The following LARGE1 variants were observed in gnomAD, a reference collection of about 807,000 sequenced individuals.
The protein encoded by LARGE1 is xylosyl- and glucuronyltransferase LARGE1.
In LARGE1, 43 loss-of-function variants were observed where a neutral mutation model predicts 87.6. The observed-to-expected ratio is 0.49, with a 90% confidence interval of 0.38 to 0.63. The LOEUF (loss-of-function observed/expected upper bound fraction) is 0.63, where lower values mean the gene tolerates loss of function less well. Among genes scored for constraint, LARGE1 ranks in the 30% least tolerant of loss-of-function variants. The pLI, the probability that LARGE1 is intolerant of heterozygous loss-of-function variation, is 0.00. For synonymous variants in LARGE1, 434 were observed against 394.6 expected, an observed-to-expected ratio of 1.10 and a Z score of -1.18; for missense variants, 802 against 1,000.2, an observed-to-expected ratio of 0.80 and a Z score of 2.67.
At chr22:33,849,322 A>G (rs919218918) in intron 1 of LARGE1, among the ~76,000 whole-genome samples, 5 of 152,076 alleles carry the variant, frequency 3.3e-5, no homozygotes, top group Non-Finnish European at 7.4e-5. Flanking sequence ...TTTTTTCATC[A>G]ATCAATCCCA....
chr22:33,516,946 A>G (rs989433615), intron 6 of LARGE1, among the ~76,000 whole-genome samples: 9 of 152,180 alleles, frequency 5.9e-5, no homozygotes, highest in African/African-American at 2.2e-4. Flanking sequence ...TACTCAAGGG[A>G]ACACATCATT....
At chr22:33,258,806 C>G (rs1211425669) in intron 11 of LARGE1, among the ~76,000 whole-genome samples, 2 of 151,982 alleles carry the variant, frequency 1.3e-5, no homozygotes, top group East Asian at 3.9e-4. Flanking sequence ...ATCGGGACCC[C>G]TTTCCTGTAA....
At chr22:33,390,703 T>G (rs111963277) in intron 7 of LARGE1, among the ~76,000 whole-genome samples, 1 of 151,008 alleles carries the variant, frequency 6.6e-6, no homozygotes, top group Non-Finnish European at 1.5e-5. Flanking sequence ...TTTTTTTTTT[T>G]TTTTGAGACA....
chr22:33,554,530 G>A (rs764467553), intron 6 of LARGE1, among the ~76,000 whole-genome samples: 14 of 152,020 alleles, frequency 9.2e-5, no homozygotes, highest in East Asian at 1.9e-4. Flanking sequence ...CGAACTCGCC[G>A]TCCAGTGCTA....
chr22:33,127,069 T>C, the LARGE1 span, among the ~76,000 whole-genome samples: 1 of 152,192 alleles, frequency 6.6e-6, no homozygotes, highest in Admixed American at 6.5e-5. Context: ...TCTGGATCAG[T>C]GGTTTCTGAG....
intron 1 of LARGE1, among the ~76,000 whole-genome samples, chr22:33,802,253 TC>T (rs1468070861): frequency 6.6e-6 from 1 of 152,204 alleles, no homozygotes. Flanking sequence ...AAGCACTTAT[TC>T]CCACTGCAAA....
At chr22:33,681,784 GATA>G (rs2081780487) in intron 2 of LARGE1, among the ~76,000 whole-genome samples, 1 of 152,164 alleles carries the variant, frequency 6.6e-6, no homozygotes, top group Admixed American at 6.5e-5. Context: ...TTCTTACTTT[GATA>G]ATTATCTTTT....
chr22:33,888,390 T>A (rs2064915691), intron 1 of LARGE1, among the ~76,000 whole-genome samples: 1 of 152,208 alleles, frequency 6.6e-6, no homozygotes, highest in South Asian at 2.1e-4. Context: ...TGAAAATCCC[T>A]TCCTTCTGCA....
chr22:33,640,017 C>T (rs966817845), intron 3 of LARGE1, among the ~76,000 whole-genome samples: 3 of 152,190 alleles, frequency 2.0e-5, no homozygotes, highest in Non-Finnish European at 2.9e-5. Flanking sequence ...AAATGCTTTT[C>T]GGAGCCCAGA....
At chr22:33,846,106 C>T (rs945880013) in intron 1 of LARGE1, among the ~76,000 whole-genome samples, 3 of 152,206 alleles carry the variant, frequency 2.0e-5, no homozygotes, top group South Asian at 2.1e-4. Flanking sequence ...CCTCTGTATA[C>T]TTCCTGTGAC....
chr22:33,388,188 T>C (rs5998903), intron 7 of LARGE1, among the ~76,000 whole-genome samples: 68,028 of 152,106 alleles, frequency 0.45, 19,150 homozygotes, highest in African/African-American at 0.8. Flanking sequence ...ACCTATACCA[T>C]AATTTATTTA....
chr22:33,273,507 A>C lies in LARGE1; in HGVS notation c.*920T>G, dbSNP rs1309064648. The C allele has an allele frequency of 2.5e-6, 1 of 398,744 alleles. No individual in the cohort carries two copies. The highest frequency in any genetic ancestry group is 4.4e-6 in the Non-Finnish European group (1 of 226,174). The allele number at this position is 398,744 out of a possible 1,614,324, so 24.7% of individuals were successfully genotyped here. A position where few individuals can be genotyped will look rare whatever the true frequency, so the allele number is the denominator to read the frequency against. On this transcript the variant is annotated 3_prime_UTR_variant, in exon 15 of 15. Coordinates refer to ENST00000397394, the MANE Select transcript of LARGE1 (RefSeq NM_133642.5). The stretch of plus-strand genomic sequence containing the variant: ...AGTTCCTTCAAAGCCCTTTCCCATG[A>C]ATCAGTCACTGCCAATAGAAAATGT...
chr22:33,135,768 A>G, the LARGE1 span, among the ~76,000 whole-genome samples: 3 of 152,202 alleles, frequency 2.0e-5, no homozygotes, highest in South Asian at 6.2e-4. Flanking sequence ...TGAACCTGGG[A>G]GGCAGAGGTT....
At chr22:33,444,107 G>C (rs1012237109) in intron 6 of LARGE1, among the ~76,000 whole-genome samples, 4 of 152,256 alleles carry the variant, frequency 2.6e-5, no homozygotes, top group African/African-American at 9.6e-5. Flanking sequence ...CGGGGTTGTA[G>C]AATAAGCACT....
At chr22:33,452,715 A>G (rs2067984795) in intron 6 of LARGE1, among the ~76,000 whole-genome samples, 1 of 152,234 alleles carries the variant, frequency 6.6e-6, no homozygotes, top group Non-Finnish European at 1.5e-5. Context: ...TCTGGGGTAC[A>G]TAAAGGAGAC....
chr22:33,192,291 C>G (rs1923825068), intron 11 of LARGE1, among the ~76,000 whole-genome samples: 1 of 152,194 alleles, frequency 6.6e-6, no homozygotes, highest in Non-Finnish European at 1.5e-5. Flanking sequence ...TGTGTGTTAA[C>G]TCAACCCTCA....
intron 4 of LARGE1, among the ~76,000 whole-genome samples, chr22:33,612,309 G>A (rs1385051895): frequency 6.6e-6 from 1 of 152,102 alleles, no homozygotes; most frequent in Admixed American, 6.6e-5. Context: ...TCACCACATT[G>A]GCCAGGCTGG....
intron 6 of LARGE1, among the ~76,000 whole-genome samples, chr22:33,469,334 T>C (rs989472108): frequency 6.6e-6 from 1 of 152,148 alleles, no homozygotes; most frequent in Non-Finnish European, 1.5e-5. Context: ...ATACACACCA[T>C]AGAATACTAT....
intron 11 of LARGE1, among the ~76,000 whole-genome samples, chr22:33,170,891 T>A (rs1922533903): frequency 6.6e-6 from 1 of 152,072 alleles, no homozygotes; most frequent in South Asian, 2.1e-4. Flanking sequence ...TTGGAACAGT[T>A]AGGAGGGCTC....
Sources: allele counts gnomAD v4.1 joint callset (sites outside exome capture counted in the v4.1 genomes callset), GRCh38; gene constraint gnomAD v4.1.1; transcripts MANE v1.5; gene names NCBI Gene and HGNC (gene_info 2026-07-23, HGNC 2026-07-21).